WASHC2A: variants seen among roughly 807,000 people sequenced by gnomAD.
WASHC2A encodes the protein WASH complex subunit FAM21A.
WASHC2A carries 82 observed loss-of-function variants against 140.3 expected under a neutral mutation model. The observed-to-expected ratio is 0.58, with a 90% CI of 0.49 to 0.70. The LOEUF is 0.70. WASHC2A is among the 30% of genes least tolerant of loss of function. WASHC2A has a pLI of 0.00. For synonymous variants in WASHC2A, 340 were observed against 560.8 expected, an observed-to-expected ratio of 0.61 and a Z score of 5.56; for missense variants, 985 against 1,521.8, an observed-to-expected ratio of 0.65 and a Z score of 5.87.
intron 8 of WASHC2A, among the ~76,000 whole-genome samples, chr10:50,087,734 G>C (rs2805147): frequency 2.0e-5 from 3 of 152,150 alleles, no homozygotes; most frequent in African/African-American, 2.4e-5. Flanking sequence ...TTTTTGAATA[G>C]CTAAAGGCGT....
Position 50,129,868 on chromosome 10 carries a change from C to T in WASHC2A, c.3537C>T (p.Ser1179=), listed in dbSNP as rs1460821345. 1 of 1,612,034 alleles carries T rather than the reference C, an allele frequency of 6.2e-7. No individual in the cohort carries two copies. The highest frequency in any genetic ancestry group is 8.5e-7 in the Non-Finnish European group (1 of 1,179,872). ...SPMFPALGEA[S]SDDDLFQSAK... Reference sequence around the variant, plus strand: ...TGTTTCCTGCTCTAGGTGAGGCCAGCAGTGATGATGATCTCTTTCAGTCTG... The same window carrying T: ...TGTTTCCTGCTCTAGGTGAGGCCAGTAGTGATGATGATCTCTTTCAGTCTG... The change falls in exon 29 of 31, where the codon AGC becomes AGT. Residue 1179 remains serine, a synonymous_variant. Transcript: ENST00000282633.
chr10:50,123,333 AT>A lies in WASHC2A; in HGVS notation c.2479-1779del, dbSNP rs1843151872. Among the ~76,000 whole-genome samples, 2 of 130,812 alleles carry A rather than the reference AT, an allele frequency of 1.5e-5. 1 individual carries two copies. Among genetic ancestry groups the A allele is most frequent in the Non-Finnish European group, 3.4e-5 (2 of 58,724 alleles). The allele number at this position is 130,812 out of a possible 152,430, so 85.8% of individuals were successfully genotyped here. On this transcript the variant is annotated intron_variant, in intron 23 of 30. Transcript: ENST00000282633. Reference sequence around the variant, plus strand: ...CAGCATTATTCGTAATAGCCAAAAGATGGAAACAATGGCTAAACATAATATA... The same window carrying A: ...CAGCATTATTCGTAATAGCCAAAAGAGGAAACAATGGCTAAACATAATATA...
Position 50,129,730 on chromosome 10 carries a change from G to A in WASHC2A, c.3399G>A (p.Gly1133=). ...SRGEADLFDS[G]DIFSTGTGSQ... ...GGGAGGCTGACCTTTTTGATTCTGG[G>A]GACATCTTTTCCACGGGCACTGGAT... Residue 1133 remains glycine, a synonymous_variant, in exon 29 of 31, where the codon GGG becomes GGA. Transcript: ENST00000282633. 2 of 1,612,020 alleles carry A rather than the reference G, an allele frequency of 1.2e-6. No homozygotes were observed. The highest frequency in any genetic ancestry group is 1.1e-5 in the South Asian group (1 of 90,986).
At chr10:50,075,710 G>A (rs1295221770) in intron 3 of WASHC2A, among the ~76,000 whole-genome samples, 1 of 151,194 alleles carries the variant, frequency 6.6e-6, no homozygotes, top group Non-Finnish European at 1.5e-5. Flanking sequence ...ATAAAATCAG[G>A]CCTCCATGGA....
intron 20 of WASHC2A, chr10:50,112,035 A>AG (rs1386283891): frequency 1.0e-6 from 1 of 985,262 alleles, no homozygotes; most frequent in East Asian, 1.1e-4. Context: ...CTCAAAAAAA[A>AG]AGGCCTTTCC....
intron 6 of WASHC2A, among the ~76,000 whole-genome samples, chr10:50,084,789 G>A (rs1839244347): frequency 2.7e-5 from 4 of 149,684 alleles, no homozygotes; most frequent in Admixed American, 2.7e-4. Flanking sequence ...AGGCTGGAAT[G>A]CAATGGCGCG....
intron 4 of WASHC2A, among the ~76,000 whole-genome samples, chr10:50,080,323 A>G (rs1345895098): frequency 1.6e-4 from 24 of 151,888 alleles, no homozygotes; most frequent in Non-Finnish European, 3.1e-4. Context: ...TTAAACTGTA[A>G]TTGAAAAATG....
At chr10:50,112,968 T>C (rs1378892630) in intron 20 of WASHC2A, among the ~76,000 whole-genome samples, 4 of 151,228 alleles carry the variant, frequency 2.6e-5, no homozygotes, top group African/African-American at 9.7e-5. Context: ...TGCACTTAGG[T>C]TGTAGTGATA....
rs1839470821 is a variant in WASHC2A at position 50,087,277 on chromosome 10, G to A, written c.687G>A (p.Glu229=). The change falls in exon 8 of 31, where the codon GAG becomes GAA. Residue 229 remains glutamate, a splice_region_variant and synonymous_variant. Transcript: ENST00000282633. ...VDTEEEKEEE[E]SDEDFAHHSD... is the part of the protein sequence containing the mutation. ...AAAGCCTTTTCTTCCCCACAAAGGA[G>A]TCAGATGAAGATTTTGCCCATCATA... is the stretch of plus-strand genomic sequence containing the variant. 3 of 1,613,968 alleles carry A rather than the reference G, an allele frequency of 1.9e-6. No homozygotes were observed. Among genetic ancestry groups the A allele is most frequent in the Non-Finnish European group, 2.5e-6 (3 of 1,179,862 alleles).
chr10:50,074,766 A>T (rs1442946063), intron 3 of WASHC2A, among the ~76,000 whole-genome samples: 1 of 152,060 alleles, frequency 6.6e-6, no homozygotes, highest in East Asian at 1.9e-4. Flanking sequence ...ATACAAAAAA[A>T]TTAGCCAGGC....
In WASHC2A at chr10:50,072,678, T is replaced by C. The variant is rs1288410949; in HGVS notation, c.291+2967T>C. 1.1e-4 allele frequency among the ~76,000 whole-genome samples: 17 copies of C among 151,958 alleles called. 1 individual carries two copies. The highest frequency in any genetic ancestry group is 4.1e-4 in the African/African-American group (17 of 41,450). Reference sequence around the variant, plus strand: ...ATTTTTTTTGCATTTTTAGTAGAGATGGGGTTTCACCGTGTTAGCCAGGAT... The same window carrying C: ...ATTTTTTTTGCATTTTTAGTAGAGACGGGGTTTCACCGTGTTAGCCAGGAT... On this transcript the variant is annotated intron_variant, in intron 3 of 30. Transcript: ENST00000282633.
chr10:50,095,100 A>G (rs782076212), intron 13 of WASHC2A, 48 bp from the exon 14 acceptor site: 14 of 1,587,562 alleles, frequency 8.8e-6, no homozygotes, highest in Non-Finnish European at 1.2e-5. Flanking sequence ...AATAGCAAGG[A>G]AAGTTATTTC....
chr10:50,077,606 G>T (rs1838482548), intron 3 of WASHC2A, among the ~76,000 whole-genome samples: 1 of 152,008 alleles, frequency 6.6e-6, no homozygotes, highest in Non-Finnish European at 1.5e-5. Context: ...ACTGTCTAAT[G>T]CCAGAAGATT....
intron 17 of WASHC2A, 130 bp from the exon 18 acceptor site, chr10:50,103,912 C>A (rs1841496475): frequency 1.1e-6 from 1 of 890,016 alleles, no homozygotes; most frequent in Non-Finnish European, 1.8e-6. Flanking sequence ...GTCTGAGCCA[C>A]CTTCCCTCTC....
In WASHC2A at chr10:50,126,320, C is replaced by T. The variant is rs1195977997; in HGVS notation, c.2811+141C>T. 4.7e-6 allele frequency: 7 copies of T among 1,495,668 alleles called. No homozygotes were observed. In the East Asian group the frequency reaches 1.1e-4, roughly 24 times the overall value. 92.6% of individuals were successfully genotyped at this position (1,495,668 alleles called of 1,614,324 possible). A position where few individuals can be genotyped will look rare whatever the true frequency, so the allele number is the denominator to read the frequency against. ...CAGGGCTACCGCTTTGTCTTCACTGCACTCCCCCCAAGTCATCTCCCCTCT... is the reference window on the plus strand; with the variant it reads ...CAGGGCTACCGCTTTGTCTTCACTGTACTCCCCCCAAGTCATCTCCCCTCT... On this transcript the variant is annotated intron_variant, in intron 26 of 30. Coordinates refer to ENST00000282633, the MANE Select transcript of WASHC2A (RefSeq NM_001005751.3).
chr10:50,084,800 A>C (rs1554880579), intron 6 of WASHC2A, among the ~76,000 whole-genome samples: 2 of 148,552 alleles, frequency 1.3e-5, no homozygotes, highest in Non-Finnish European at 3.0e-5. Context: ...CAATGGCGCG[A>C]TCTTGGCTCA....
rs1203402199 is a variant in WASHC2A, at chr10:50,068,918, A to G, written c.127-629A>G. On this transcript the variant is annotated intron_variant, in intron 2 of 30. Transcript: ENST00000282633. Reference sequence around the variant, plus strand: ...TTTTAGTAGAGATGGGGGTCTTGCTATGTTGCCCAGACTGGTCTGCAACTC... The same window carrying G: ...TTTTAGTAGAGATGGGGGTCTTGCTGTGTTGCCCAGACTGGTCTGCAACTC... Among the ~76,000 whole-genome samples, 6 of 144,144 alleles carry G rather than the reference A, an allele frequency of 4.2e-5. No homozygotes were observed. In the East Asian group the frequency reaches 7.8e-4, roughly 19 times the overall value. 94.6% of individuals were successfully genotyped at this position (144,144 alleles called of 152,430 possible).
intron 19 of WASHC2A, among the ~76,000 whole-genome samples, chr10:50,108,889 G>GAAAAAAAAAA (rs1182148936): frequency 2.6e-5 from 2 of 75,646 alleles, no homozygotes; most frequent in African/African-American, 5.3e-5. Flanking sequence ...CTCGAAAAAG[G>GAAAAAAAAAA]AAAAAAAAAA....
chr10:50,129,614 G>A lies in WASHC2A; in HGVS notation c.3283G>A (p.Ala1095Thr), dbSNP rs1843758721. 6.2e-7 allele frequency: 1 copy of A among 1,612,082 alleles called. No homozygotes were observed. Among genetic ancestry groups the A allele is most frequent in the Admixed American group, 1.7e-5 (1 of 60,022 alleles). Residue 1095 changes from alanine (A) to threonine (T), a missense_variant, in exon 29 of 31, where the codon GCC becomes ACC. Coordinates refer to ENST00000282633, the MANE Select transcript of WASHC2A (RefSeq NM_001005751.3). ...AASGEDSTEE[A>T]LAAAAAPWEG... ...CAGTGGAGAAGACAGCACTGAGGAG[G>A]CCCTGGCAGCTGCCGCTGCACCTTG...
Sources: allele counts gnomAD v4.1 joint callset (sites outside exome capture counted in the v4.1 genomes callset), GRCh38; gene constraint gnomAD v4.1.1; transcripts MANE v1.5; gene names NCBI Gene and HGNC (gene_info 2026-07-23, HGNC 2026-07-21).